The following CELF2 variants were observed in gnomAD, a reference collection of about 807,000 sequenced individuals.
The protein encoded by CELF2 is CUGBP Elav-like family member 2, also known as CUG triplet repeat RNA-binding protein 2.
In CELF2, 8 loss-of-function variants were observed where a neutral mutation model predicts 62.6. The ratio of observed to expected loss-of-function variants is 0.13; its 90% CI spans 0.07 to 0.23. The LOEUF (loss-of-function observed/expected upper bound fraction) is 0.23, where lower values mean the gene tolerates loss of function less well. CELF2 is among the 10% of genes least tolerant of loss of function. The pLI is 1.00. For synonymous variants in CELF2, 258 were observed against 250.0 expected (o/e 1.03, Z -0.30); for missense variants, 333 against 671.0 (o/e 0.50, Z 5.56).
At chr10:11,108,967 A>G (rs944015117) in intron 1 of CELF2, among the ~76,000 whole-genome samples, 1 of 152,152 alleles carries the variant, frequency 6.6e-6, no homozygotes, top group South Asian at 2.1e-4. Context: ...CACATCTTCC[A>G]GTTTTGTCTA....
intron 1 of CELF2, among the ~76,000 whole-genome samples, chr10:11,031,228 C>A (rs2060061280): frequency 1.3e-5 from 2 of 152,116 alleles, no homozygotes; most frequent in South Asian, 4.2e-4. Flanking sequence ...CAGTAACATC[C>A]GTTTTTACTC....
intron 2 of CELF2, among the ~76,000 whole-genome samples, chr10:10,924,518 T>C (rs1046020539): frequency 3.3e-5 from 5 of 152,120 alleles, no homozygotes; most frequent in Non-Finnish European, 5.9e-5. Context: ...ATGTTGATTC[T>C]TAAACACAGC....
At position 10,983,736 on chromosome 10, in the gene CELF2, T is replaced by G. The variant is rs902009004; in HGVS notation, c.89+63737T>G. ...GCACTTGCCACCACGCCTGGCTAAT[T>G]TTTGTATTTTTAGTAAAAACAGGAT... On this transcript the variant is annotated intron_variant, in intron 2 of 13. Coordinates refer to the CELF2 transcript ENST00000636488. This position sits in a 1 kb window ranked among gnomAD's most constrained non-coding sequence, Gnocchi z 5.2. Among the ~76,000 whole-genome samples, 2 of 151,908 alleles carry G rather than the reference T, an allele frequency of 1.3e-5. No homozygotes were observed. The highest frequency in any genetic ancestry group is 2.9e-5 in the Non-Finnish European group (2 of 67,984).
intron 1 of CELF2, among the ~76,000 whole-genome samples, chr10:11,160,020 G>C (rs1033048805): frequency 6.6e-6 from 1 of 152,218 alleles, no homozygotes; most frequent in African/African-American, 2.4e-5. Context: ...CATAGTGTCA[G>C]TGACACCTTG....
At position 11,008,869 on chromosome 10, in the gene CELF2, CTTT is replaced by C. The variant is rs1353910233; in HGVS notation, c.53+3430_53+3432del. On this transcript the variant is annotated intron_variant, in intron 1 of 12. Transcript: ENST00000416382. The surrounding 1 kb of genome is among the most constrained non-coding windows in gnomAD (Gnocchi z 4.5). ...GCAGTTTGTTTTGTGGCATCATCTT[CTTT>C]GTGGCATTGATCTGTACTTTCTGGA... Among the ~76,000 whole-genome samples the C allele has an allele frequency of 6.6e-6, 1 of 152,190 alleles. No homozygotes were observed. The highest frequency in any genetic ancestry group is 6.5e-5 in the Admixed American group (1 of 15,280).
chr10:10,937,192 T>C (rs2046510996), intron 2 of CELF2, among the ~76,000 whole-genome samples: 1 of 143,690 alleles, frequency 7.0e-6, no homozygotes, highest in Non-Finnish European at 1.5e-5. Flanking sequence ...AGTGGTGCAA[T>C]CTTGTCTCAC....
intron 1 of CELF2, among the ~76,000 whole-genome samples, chr10:10,855,197 C>T (rs1333000444): frequency 6.6e-6 from 1 of 152,154 alleles, no homozygotes; most frequent in African/African-American, 2.4e-5. Flanking sequence ...TCTGCAGGCC[C>T]CTCTGCATTT....
rs1361660253 is a variant in CELF2, at chr10:11,331,893, T to C, written c.*2840T>C. 1 of 152,576 alleles carries C rather than the reference T, an allele frequency of 6.6e-6. No homozygotes were observed. 9.5% of individuals were successfully genotyped at this position (152,576 alleles called of 1,614,324 possible). ...GGAATGTTGATGACTTTTTATACTG[T>C]CATGATTTGAGTTTGTTTTGGGGTG... is the stretch of plus-strand genomic sequence containing the variant. On this transcript the variant is annotated 3_prime_UTR_variant, in exon 13 of 13. Coordinates refer to ENST00000633077, the MANE Select transcript of CELF2 (RefSeq NM_001326342.2).
intron 8 of CELF2, among the ~76,000 whole-genome samples, chr10:11,284,197 GGT>G (rs1294658037): frequency 4.7e-5 from 5 of 107,176 alleles, no homozygotes; most frequent in East Asian, 8.8e-4. Flanking sequence ...GTGCGTGGTG[GGT>G]GGGTGAGGGA....
In CELF2 at chr10:11,166,763, G is replaced by T. The variant is rs72773977; in HGVS notation, c.271+1081G>T. 2.4e-3 allele frequency among the ~76,000 whole-genome samples: 370 copies of T among 152,302 alleles called. 1 individual carries two copies. The highest frequency in any genetic ancestry group is 3.8e-3 in the Non-Finnish European group (257 of 68,032). On this transcript the variant is annotated intron_variant, in intron 2 of 12. Coordinates refer to ENST00000633077, the MANE Select transcript of CELF2 (RefSeq NM_001326342.2). ...TTCGGTTGGGCACACGAACATATTG[G>T]CACATACTTTTCTCTAACCCTTTTC...
intron 1 of CELF2, among the ~76,000 whole-genome samples, chr10:11,063,516 A>G (rs1420285397): frequency 6.6e-6 from 1 of 152,182 alleles, no homozygotes; most frequent in Non-Finnish European, 1.5e-5. Flanking sequence ...TTTCAGAGTA[A>G]TTTGGGGTCA....
chr10:11,005,576 A>G lies in CELF2; in HGVS notation c.53+136A>G. On this transcript the variant is annotated intron_variant, in intron 1 of 12. Coordinates refer to the CELF2 transcript ENST00000416382. This position sits in a 1 kb window ranked among gnomAD's most constrained non-coding sequence, Gnocchi z 4.3. ...GGGGAAAAAGAATCTAAAGAGGAAG[A>G]GGGAGATGAAATCGAGACCCAGAGA... The G allele has an allele frequency of 7.3e-7, 1 of 1,365,976 alleles. No homozygotes were observed. Among genetic ancestry groups the G allele is most frequent in the Non-Finnish European group, 1.0e-6 (1 of 976,392 alleles). 84.6% of individuals were successfully genotyped at this position (1,365,976 alleles called of 1,614,324 possible).
At chr10:10,640,208 C>G in the CELF2 span, among the ~76,000 whole-genome samples, 1 of 152,204 alleles carries the variant, frequency 6.6e-6, no homozygotes, top group Non-Finnish European at 1.5e-5. Flanking sequence ...AAAACCCTGT[C>G]CTATCTTTGC....
the CELF2 span, among the ~76,000 whole-genome samples, chr10:10,672,567 C>T: frequency 6.6e-6 from 1 of 151,176 alleles, no homozygotes; most frequent in Admixed American, 6.6e-5. Context: ...TCTTCTCCAT[C>T]TCATTGCCTT....
intron 1 of CELF2, among the ~76,000 whole-genome samples, chr10:10,811,268 T>G (rs2055855015): frequency 6.6e-6 from 1 of 152,194 alleles, no homozygotes; most frequent in African/African-American, 2.4e-5. Context: ...TACCAATAAA[T>G]TATTGCAGTA....
the CELF2 span, among the ~76,000 whole-genome samples, chr10:10,564,684 A>ACACACG: frequency 0.058 from 6,007 of 104,314 alleles, 367 homozygotes; most frequent in African/African-American, 0.27. Flanking sequence ...GCACACACGC[A>ACACACG]CACACACACA....
At chr10:10,661,020 T>TA in the CELF2 span, among the ~76,000 whole-genome samples, 1 of 152,210 alleles carries the variant, frequency 6.6e-6, no homozygotes, top group Non-Finnish European at 1.5e-5. Flanking sequence ...AAAAAGATTT[T>TA]TTTTTACATC....
the CELF2 span, among the ~76,000 whole-genome samples, chr10:10,626,200 ATT>A: frequency 6.6e-6 from 1 of 152,090 alleles, no homozygotes; most frequent in Non-Finnish European, 1.5e-5. Flanking sequence ...TGCTTTACTG[ATT>A]TTTAGTACAT....
the CELF2 span, among the ~76,000 whole-genome samples, chr10:10,716,112 A>G: frequency 6.6e-6 from 1 of 152,224 alleles, no homozygotes; most frequent in African/African-American, 2.4e-5. Flanking sequence ...GCCCCTGGAT[A>G]TATAGTCATC....
Sources: gnomAD v4.1 joint callset for allele counts (sites outside exome capture counted in the v4.1 genomes callset) on GRCh38, gnomAD v4.1.1 for gene constraint, Gnocchi (gnomAD v3.1) non-coding constraint, MANE v1.5 for transcripts, NCBI Gene and HGNC (gene_info 2026-07-23, HGNC 2026-07-21) for gene names.